Variants in KIFC3 observed in about 807,000 individuals in gnomAD.
KIFC3 encodes the protein kinesin-like protein KIFC3.
In KIFC3, 60 loss-of-function variants were observed where a neutral mutation model predicts 101.8. The ratio of observed to expected loss-of-function variants is 0.59; its 90% confidence interval spans 0.48 to 0.73. KIFC3 has a LOEUF of 0.73. Among genes scored for constraint, KIFC3 ranks in the 30% least tolerant of loss-of-function variants. KIFC3 has a pLI of 0.00. For synonymous variants in KIFC3, 476 were observed against 482.7 expected, an observed-to-expected ratio of 0.99 and a Z score of 0.18; for missense variants, 966 against 1,137.1, an observed-to-expected ratio of 0.85 and a Z score of 2.16.
intron 11 of KIFC3, 59 bp downstream of exon 11, chr16:57,765,400 G>T: frequency 6.7e-7 from 1 of 1,503,048 alleles, no homozygotes. Context: ...CCCGCTCCCT[G>T]TGAGTCCATC....
At chr16:57,856,247 A>C (rs2056165377) in intron 1 of KIFC3, among the ~76,000 whole-genome samples, 1 of 152,112 alleles carries the variant, frequency 6.6e-6, no homozygotes, top group African/African-American at 2.4e-5. Context: ...TTGGGAAGCC[A>C]GAATGGATGA....
chr16:57,835,844 G>A (rs2055674450), intron 1 of KIFC3, among the ~76,000 whole-genome samples: 1 of 152,182 alleles, frequency 6.6e-6, no homozygotes, highest in Non-Finnish European at 1.5e-5. Flanking sequence ...TAGCTACTCA[G>A]GAGGCTAAGG....
intron 3 of KIFC3, among the ~76,000 whole-genome samples, chr16:57,791,811 C>A (rs897172637): frequency 6.6e-6 from 1 of 152,188 alleles, no homozygotes; most frequent in African/African-American, 2.4e-5. Context: ...GAGTAAAGAG[C>A]GGGTCCTCAG....
chr16:57,765,583 G>T lies in KIFC3; in HGVS notation c.1388C>A (p.Pro463His). 1.2e-6 allele frequency: 2 copies of T among 1,611,088 alleles called. No individual in the cohort carries two copies. The highest frequency in any genetic ancestry group is 1.7e-6 in the Non-Finnish European group (2 of 1,178,652). The part of the protein sequence containing the change: ...RPVTKEDGEG[P>H]EATNAVTFDA... ...GAAAGTCACAGCATTGGTGGCCTCA[G>T]GTCCTTCCCCATCCTCTTTGGTGAC... Residue 463 changes from proline to histidine, a missense_variant, in exon 11 of 20, where the codon CCT becomes CAT. By Grantham distance (77) the Pro-to-His change is moderately conservative. Around this residue, in one of 2 missense-constraint regions of KIFC3, gnomAD observed 689 missense variants for 884.6 expected, o/e 0.78. Transcript: ENST00000445690.
In KIFC3 at chr16:57,769,795, C is replaced by G; in HGVS notation, c.1087+13G>C. 1 of 1,613,160 alleles carries G rather than the reference C, an allele frequency of 6.2e-7. No homozygotes were observed. Among genetic ancestry groups the G allele is most frequent in the Non-Finnish European group, 8.5e-7 (1 of 1,179,950 alleles). On this transcript the variant is annotated intron_variant, in intron 8 of 19. Coordinates refer to ENST00000445690, the MANE Select transcript of KIFC3 (RefSeq NM_001130100.2). The surrounding 1 kb of genome is among the most constrained non-coding windows in gnomAD (Gnocchi z 4.3). Reference sequence around the variant, plus strand: ...GCGGCGTGGGGCAGACAGGGCCCAGCTGGTCAGCTCACCTGCTAGATTCTC... The same window carrying G: ...GCGGCGTGGGGCAGACAGGGCCCAGGTGGTCAGCTCACCTGCTAGATTCTC...
At position 57,823,632 on chromosome 16, in the gene KIFC3, G is replaced by A. The variant is rs1026094378; in HGVS notation, c.109-25350C>T. 2.0e-5 allele frequency among the ~76,000 whole-genome samples: 3 copies of A among 152,138 alleles called. No individual in the cohort carries two copies. The East Asian group carries it at 5.8e-4, about 29-fold the overall frequency. On this transcript the variant is annotated intron_variant, in intron 1 of 2. Transcript: ENST00000563028. The stretch of plus-strand genomic sequence containing the variant: ...TCAGAGGCAAGAGTCTCACTCTGTT[G>A]CCCAGGCTGGAGTGCAGTGGTGCGG...
At chr16:57,790,380 CTTTT>C (rs200519923) in intron 3 of KIFC3, among the ~76,000 whole-genome samples, 5 of 129,228 alleles carry the variant, frequency 3.9e-5, no homozygotes, top group Non-Finnish European at 7.9e-5. Flanking sequence ...CCATGCCCAG[CTTTT>C]TTTTTTTTTT....
intron 1 of KIFC3, among the ~76,000 whole-genome samples, chr16:57,842,335 C>A (rs2055832095): frequency 6.6e-6 from 1 of 152,226 alleles, no homozygotes; most frequent in Non-Finnish European, 1.5e-5. Flanking sequence ...TCAGAGCCCC[C>A]TGTGTCTGGA....
At chr16:57,818,401 G>A (rs1555629292) in intron 1 of KIFC3, among the ~76,000 whole-genome samples, 1 of 151,800 alleles carries the variant, frequency 6.6e-6, no homozygotes, top group Non-Finnish European at 1.5e-5. Flanking sequence ...ATATCCCTCT[G>A]TCACCCAGGC....
chr16:57,809,890 G>T (rs376233273), intron 1 of KIFC3, among the ~76,000 whole-genome samples: 1 of 152,244 alleles, frequency 6.6e-6, no homozygotes, highest in East Asian at 1.9e-4. Context: ...CTGAGCGATG[G>T]CTGTCACCAG....
rs1567926137 is a variant in KIFC3, at chr16:57,760,773, GC to G, written c.2184del (p.Leu729CysfsTer60). ...VPFRNSKLTY[L>X]LQDSLSGDSK... ...CTGTCACCACTAAGCGAATCCTGCA[GC>G]AGGTAGGTGAGCTTGGAGTTGCGGA... is the stretch of plus-strand genomic sequence containing the variant. On this transcript the variant is annotated frameshift_variant, in exon 16 of 20. Coordinates refer to ENST00000445690, the MANE Select transcript of KIFC3 (RefSeq NM_001130100.2). LOFTEE classifies it high-confidence loss of function. The G allele has an allele frequency of 1.9e-6, 3 of 1,613,882 alleles. No individual in the cohort carries two copies. Among genetic ancestry groups the G allele is most frequent in the Non-Finnish European group, 2.5e-6 (3 of 1,180,014 alleles).
intron 1 of KIFC3, among the ~76,000 whole-genome samples, chr16:57,809,946 T>C (rs1019085224): frequency 1.3e-5 from 2 of 152,064 alleles, no homozygotes; most frequent in African/African-American, 2.4e-5. Flanking sequence ...CCGGGAGTGT[T>C]TCTGTCTGCT....
Position 57,762,176 on chromosome 16 carries a change from G to A in KIFC3, c.1712C>T (p.Thr571Ile). The A allele has an allele frequency of 1.2e-6, 2 of 1,608,834 alleles. No homozygotes were observed. Among genetic ancestry groups the A allele is most frequent in the Non-Finnish European group, 1.7e-6 (2 of 1,178,312 alleles). Residue 571 changes from threonine to isoleucine, a missense_variant, in exon 13 of 20, where the codon ACC (threonine) becomes ATC (isoleucine). Thr to Ile is a moderately conservative substitution (Grantham distance 89, BLOSUM62 -1). Transcript: ENST00000445690. ...EKASDWEYTITVSAAEIYNEV... is the reference protein window; with the variant it reads ...EKASDWEYTIIVSAAEIYNEV... ...ATTGTAGATCTCCGCAGCGCTGACG[G>A]TGATGGTGTACTCCCAGTCAGACGC...
chr16:57,818,945 A>C (rs1458069922), intron 1 of KIFC3, among the ~76,000 whole-genome samples: 1 of 152,172 alleles, frequency 6.6e-6, no homozygotes, highest in Non-Finnish European at 1.5e-5. Flanking sequence ...AGCAGTGACA[A>C]TGTGGAGAAA....
chr16:57,770,545 G>A lies in KIFC3; in HGVS notation c.921C>T (p.Thr307=), dbSNP rs551834885. ...TGGGTACCTGCGCCCGGAGCCGCGC[G>A]GTCAGCTGGTGTGAGCTCTGCAGCT... ...EQQLQSSHQL[T]ARLRAQIAMY... The change falls in exon 7 of 20, where the codon ACC becomes ACT. Residue 307 remains threonine (T), a synonymous_variant. Transcript: ENST00000445690. 1.4e-5 allele frequency: 20 copies of A among 1,466,104 alleles called. No homozygotes were observed. The highest frequency in any genetic ancestry group is 2.7e-5 in the East Asian group (1 of 36,862). 90.8% of individuals were successfully genotyped at this position (1,466,104 alleles called of 1,614,324 possible).
chr16:57,847,254 GGAAGGAAGGAA>G lies in KIFC3; in HGVS notation c.108+15464_108+15474del, dbSNP rs1190699055. Among the ~76,000 whole-genome samples the G allele has an allele frequency of 3.1e-3, 314 of 101,560 alleles. 1 individual carries two copies. Among genetic ancestry groups the G allele is most frequent in the East Asian group, 4.6e-3 (14 of 3,060 alleles). The allele number at this position is 101,560 out of a possible 152,430, so 66.6% of individuals were successfully genotyped here. ...AGGAAGGAAGGAAGGAAGGAAGGAA[GGAAGGAAGGAA>G]GGAAGGGAAGGGAGGGAGGGAGAGA... is the stretch of plus-strand genomic sequence containing the variant. On this transcript the variant is annotated intron_variant, in intron 1 of 2. Transcript: ENST00000563028.
chr16:57,760,525 A>C, intron 16 of KIFC3, 109 bp from the exon 17 acceptor site: 3 of 1,077,104 alleles, frequency 2.8e-6, no homozygotes, highest in Non-Finnish European at 2.7e-6. Context: ...GAGAGGCCTG[A>C]GGGATGGGGT....
intron 3 of KIFC3, chr16:57,775,881 A>G: frequency 1.0e-6 from 1 of 985,556 alleles, no homozygotes; most frequent in Non-Finnish European, 1.2e-6. Context: ...TCCCGGGCCC[A>G]GGCTCCTCAT....
chr16:57,818,613 C>T (rs1029542358), intron 1 of KIFC3, among the ~76,000 whole-genome samples: 8 of 151,898 alleles, frequency 5.3e-5, no homozygotes, highest in Admixed American at 1.3e-4. Context: ...CCTCCTGCCT[C>T]GGCCTCCCAA....
Sources: allele counts gnomAD v4.1 joint callset (sites outside exome capture counted in the v4.1 genomes callset), GRCh38; gene constraint gnomAD v4.1.1; regional missense constraint gnomAD v4.1.1; non-coding constraint Gnocchi (gnomAD v3.1); transcripts MANE v1.5; gene names NCBI Gene and HGNC (gene_info 2026-07-23, HGNC 2026-07-21).